Variants in LPP observed in about 807,000 individuals in gnomAD.
The protein encoded by LPP is lipoma-preferred partner.
In LPP, 38 loss-of-function variants were observed where a neutral mutation model predicts 60.4. The observed-to-expected ratio is 0.63, with a 90% CI of 0.49 to 0.83. The LOEUF (loss-of-function observed/expected upper bound fraction) is 0.83, where lower values mean the gene tolerates loss of function less well. Ranked by LOEUF, LPP falls within the 40% of genes least tolerant of loss-of-function variation. The probability of loss-of-function intolerance (pLI) is 0.00; values close to 1 mark genes in which losing one functional copy is unlikely to be tolerated. For missense variants in LPP, 902 were observed against 783.6 expected (o/e 1.15, Z -1.80); for synonymous variants, 328 against 290.8 (o/e 1.13, Z -1.30).
intron 1 of LPP, among the ~76,000 whole-genome samples, chr3:188,175,189 G>A (rs559636732): frequency 7.9e-5 from 12 of 152,240 alleles, no homozygotes; most frequent in South Asian, 2.1e-4. Flanking sequence ...GGGTTCAGGC[G>A]ATTCTCCTAC....
At chr3:188,230,773 CAA>C (rs760774253) in intron 2 of LPP, among the ~76,000 whole-genome samples, 34 of 106,400 alleles carry the variant, frequency 3.2e-4, no homozygotes, top group South Asian at 5.8e-4. Context: ...AACTCTGTCT[CAA>C]AAAAAAAAAA....
chr3:188,300,630 A>G (rs1352100588), intron 2 of LPP, among the ~76,000 whole-genome samples: 2 of 152,194 alleles, frequency 1.3e-5, no homozygotes, highest in Non-Finnish European at 2.9e-5. Context: ...ACAGCAAAAC[A>G]TATTAGCCCA....
At chr3:188,827,135 C>A (rs1277970030) in intron 9 of LPP, among the ~76,000 whole-genome samples, 1 of 152,074 alleles carries the variant, frequency 6.6e-6, no homozygotes, top group Admixed American at 6.6e-5. Flanking sequence ...GCATGAACAT[C>A]AAAAGAATCT....
At chr3:188,389,158 A>G (rs997853095) in intron 3 of LPP, among the ~76,000 whole-genome samples, 6 of 151,874 alleles carry the variant, frequency 4.0e-5, no homozygotes, top group Admixed American at 3.3e-4. Context: ...TGTGTTTGGT[A>G]TATTTGTGTG....
chr3:188,420,022 T>C (rs909427472), intron 4 of LPP, among the ~76,000 whole-genome samples: 19 of 152,194 alleles, frequency 1.2e-4, no homozygotes, highest in Non-Finnish European at 2.9e-5. Context: ...TCATTGTTCT[T>C]GCTATTATTA....
chr3:188,220,413 T>G (rs1351540034), intron 1 of LPP, among the ~76,000 whole-genome samples: 1 of 152,184 alleles, frequency 6.6e-6, no homozygotes, highest in East Asian at 1.9e-4. Flanking sequence ...GGGAGGGCAT[T>G]GCATCTTTGA....
intron 8 of LPP, among the ~76,000 whole-genome samples, chr3:188,726,196 G>C (rs1169743934): frequency 6.6e-6 from 1 of 152,122 alleles, no homozygotes; most frequent in African/African-American, 2.4e-5. Context: ...AGATCAGTCT[G>C]GGTGTCATTT....
intron 3 of LPP, among the ~76,000 whole-genome samples, chr3:188,384,063 C>A (rs1777564397): frequency 6.6e-6 from 1 of 152,070 alleles, no homozygotes; most frequent in African/African-American, 2.4e-5. Flanking sequence ...AATAGGATAC[C>A]CAACATATTG....
chr3:188,676,722 A>G (rs1183486726), intron 7 of LPP, among the ~76,000 whole-genome samples: 1 of 152,176 alleles, frequency 6.6e-6, no homozygotes, highest in Admixed American at 6.5e-5. Flanking sequence ...AAATGACATT[A>G]GACAGACTCT....
At chr3:188,344,712 C>A (rs1763877260) in intron 3 of LPP, among the ~76,000 whole-genome samples, 1 of 152,196 alleles carries the variant, frequency 6.6e-6, no homozygotes, top group African/African-American at 2.4e-5. Context: ...CTTTTACATA[C>A]CAGACATGCA....
chr3:188,382,284 T>G (rs530407937), intron 3 of LPP, among the ~76,000 whole-genome samples: 3 of 152,242 alleles, frequency 2.0e-5, no homozygotes, highest in Non-Finnish European at 1.5e-5. Context: ...ACAGGTCTCC[T>G]GCATTTACTA....
At chr3:188,723,063 C>T (rs895403809) in intron 8 of LPP, among the ~76,000 whole-genome samples, 1 of 152,134 alleles carries the variant, frequency 6.6e-6, no homozygotes, top group African/African-American at 2.4e-5. Flanking sequence ...AGATATACCA[C>T]AATGTTCTCG....
intron 6 of LPP, among the ~76,000 whole-genome samples, chr3:188,550,807 T>G (rs1827931727): frequency 6.6e-6 from 1 of 152,108 alleles, no homozygotes; most frequent in South Asian, 2.1e-4. Context: ...ATTTCTAGAA[T>G]GTATTCAATG....
At chr3:188,731,516 T>TTTTTGTTGTTTTGTTTTG (rs1553817765) in intron 8 of LPP, among the ~76,000 whole-genome samples, 5 of 145,700 alleles carry the variant, frequency 3.4e-5, no homozygotes, top group African/African-American at 1.3e-4. Context: ...TTTTTTGTTT[T>TTTTTGTTGTTTTGTTTTG]TTTTGTTTTG....
At chr3:188,682,655 G>A (rs995297859) in intron 7 of LPP, among the ~76,000 whole-genome samples, 2 of 152,198 alleles carry the variant, frequency 1.3e-5, no homozygotes, top group Non-Finnish European at 2.9e-5. Flanking sequence ...CACCCTAATT[G>A]TAGCTCATGT....
chr3:188,470,319 C>CACACATACACAT (rs138685539), intron 4 of LPP, among the ~76,000 whole-genome samples: 1 of 148,762 alleles, frequency 6.7e-6, no homozygotes, highest in Non-Finnish European at 1.5e-5. Flanking sequence ...CACACACACA[C>CACACATACACAT]GCACACATAA....
At position 188,411,393 on chromosome 3, in the gene LPP, C is replaced by G. The variant is rs1262593499; in HGVS notation, c.193+5080C>G. ...ACGAAAGTAGACATACCATTTGATA[C>G]AGCAATCCCACTACTGGGTATCTAC... On this transcript the variant is annotated intron_variant, in intron 4 of 11. Coordinates refer to ENST00000617246, the MANE Select transcript of LPP (RefSeq NM_001375462.1). 2.0e-5 allele frequency among the ~76,000 whole-genome samples: 3 copies of G among 152,152 alleles called. No homozygotes were observed. In the South Asian group the frequency reaches 6.2e-4, roughly 32 times the overall value.
chr3:188,663,012 T>C (rs6796061), intron 7 of LPP, among the ~76,000 whole-genome samples: 82 of 152,332 alleles, frequency 5.4e-4, no homozygotes, highest in African/African-American at 1.9e-3. Flanking sequence ...ACTTCTGAAC[T>C]GAATGGAATG....
intron 4 of LPP, among the ~76,000 whole-genome samples, chr3:188,423,297 A>G (rs927328043): frequency 6.6e-6 from 1 of 152,174 alleles, no homozygotes; most frequent in Non-Finnish European, 1.5e-5. Flanking sequence ...ATGGCTGCAT[A>G]GTATTCCATG....
Sources: allele counts gnomAD v4.1 joint callset (sites outside exome capture counted in the v4.1 genomes callset), GRCh38; gene constraint gnomAD v4.1.1; transcripts MANE v1.5; gene names NCBI Gene and HGNC (gene_info 2026-07-23, HGNC 2026-07-21).